KCTD1: variants seen among roughly 807,000 people sequenced by gnomAD.
The protein encoded by KCTD1 is BTB/POZ domain-containing protein KCTD1.
In KCTD1, 24 loss-of-function variants were observed where a neutral mutation model predicts 66.0. The ratio of observed to expected loss-of-function variants is 0.36; its 90% confidence interval spans 0.26 to 0.51. KCTD1 has a LOEUF of 0.51. Among genes scored for constraint, KCTD1 ranks in the 20% least tolerant of loss-of-function variants. The probability of loss-of-function intolerance (pLI) is 0.95; values close to 1 mark genes in which losing one functional copy is unlikely to be tolerated. For synonymous variants in KCTD1, 511 were observed against 517.2 expected (o/e 0.99, Z 0.16); for missense variants, 943 against 1,205.2 (o/e 0.78, Z 3.22).
chr18:26,564,881 C>T (rs1294655742), intron 1 of KCTD1, among the ~76,000 whole-genome samples: 1 of 148,720 alleles, frequency 6.7e-6, no homozygotes, highest in Non-Finnish European at 1.5e-5. Flanking sequence ...AAGAACCAAA[C>T]TCTGTCTCAA....
intron 1 of KCTD1, among the ~76,000 whole-genome samples, chr18:26,616,251 TGATA>T (rs1170375239): frequency 6.6e-6 from 1 of 151,834 alleles, no homozygotes; most frequent in Non-Finnish European, 1.5e-5. Flanking sequence ...ATTGATTGAT[TGATA>T]GATTGATCAA....
At chr18:26,562,920 A>G (rs1338359859) in intron 1 of KCTD1, among the ~76,000 whole-genome samples, 1 of 152,108 alleles carries the variant, frequency 6.6e-6, no homozygotes, top group East Asian at 1.9e-4. Flanking sequence ...TAACAACCCT[A>G]TCTCCAAATA....
At chr18:26,638,650 G>A (rs1189477280) in intron 1 of KCTD1, among the ~76,000 whole-genome samples, 3 of 152,232 alleles carry the variant, frequency 2.0e-5, no homozygotes, top group Non-Finnish European at 1.5e-5. Context: ...GGAAGTGCCC[G>A]GCAGGGCAGC....
intron 3 of KCTD1, among the ~76,000 whole-genome samples, chr18:26,467,746 C>T (rs184587495): frequency 8.3e-4 from 123 of 149,020 alleles, no homozygotes; most frequent in African/African-American, 2.9e-3. Context: ...ACCCAGGAGG[C>T]GAAGGTTGCA....
intron 2 of KCTD1, among the ~76,000 whole-genome samples, chr18:26,479,712 G>A (rs16942355): frequency 3.5e-3 from 535 of 152,386 alleles, no homozygotes; most frequent in African/African-American, 0.012. Flanking sequence ...AACTTTAAAA[G>A]GAGGAACGTT....
chr18:26,569,526 AG>A (rs1270242415), intron 1 of KCTD1, among the ~76,000 whole-genome samples: 3 of 150,004 alleles, frequency 2.0e-5, no homozygotes, highest in African/African-American at 7.3e-5. Flanking sequence ...TCTTCTATTC[AG>A]GCTGTCAGAT....
upstream of KCTD1, among the ~76,000 whole-genome samples, chr18:26,553,150 C>T (rs1985618671): frequency 6.6e-6 from 1 of 152,022 alleles, no homozygotes; most frequent in African/African-American, 2.4e-5. Context: ...TCCACCAAGC[C>T]TTCCTAATTT....
intron 1 of KCTD1, chr18:26,581,735 T>A (rs1986358060): frequency 6.6e-6 from 1 of 152,144 alleles, no homozygotes; most frequent in Non-Finnish European, 1.5e-5. Flanking sequence ...CATCTCTAGA[T>A]AAATAAATAC....
chr18:26,548,029 C>G lies in KCTD1; in HGVS notation c.508G>C (p.Glu170Gln). 1.3e-6 allele frequency: 2 copies of G among 1,522,286 alleles called. No homozygotes were observed. Among genetic ancestry groups the G allele is most frequent in the Middle Eastern group, 1.7e-4 (1 of 5,884 alleles). 94.3% of individuals were successfully genotyped at this position (1,522,286 alleles called of 1,614,324 possible). A position where few individuals can be genotyped will look rare whatever the true frequency, so the allele number is the denominator to read the frequency against. The change falls in exon 1 of 5, where the codon GAG (glutamate) becomes CAG (glutamine). Residue 170 changes from glutamate (E) to glutamine (Q), a missense_variant. Glu to Gln is a conservative substitution (Grantham distance 29). Transcript: ENST00000580059. ...LQRPERARLS[E>Q]NTRLATRYAV... is the part of the protein sequence containing the mutation. Reference sequence around the variant, plus strand: ...TAGCGGGTGGCCAGCCGGGTGTTCTCGCTCAGCCGGGCCCGCTCGGGGCGC... The same window carrying G: ...TAGCGGGTGGCCAGCCGGGTGTTCTGGCTCAGCCGGGCCCGCTCGGGGCGC...
intron 1 of KCTD1, chr18:26,544,762 G>A (rs142467966): frequency 1.1e-4 from 17 of 152,298 alleles, no homozygotes; most frequent in East Asian, 7.7e-4. Context: ...GCAATACTTC[G>A]ACTGCTCAGA....
At chr18:26,533,088 T>C (rs1271254403) in intron 1 of KCTD1, among the ~76,000 whole-genome samples, 1 of 152,214 alleles carries the variant, frequency 6.6e-6, no homozygotes, top group Non-Finnish European at 1.5e-5. Context: ...GAGGATCACA[T>C]GGAATAGAGG....
At chr18:26,624,495 G>T (rs1411183860) in intron 1 of KCTD1, among the ~76,000 whole-genome samples, 2 of 152,260 alleles carry the variant, frequency 1.3e-5, no homozygotes, top group Non-Finnish European at 2.9e-5. Flanking sequence ...CAAAACTCAG[G>T]CTTCAGAGGG....
At chr18:26,455,994 T>G in intron 4 of KCTD1, 93 bp from the exon 5 acceptor site, 1 of 1,216,282 alleles carries the variant, frequency 8.2e-7, no homozygotes. Context: ...CGCACTCTGG[T>G]TCATCTCATC....
chr18:26,642,104 T>G (rs1184870835), upstream of KCTD1, among the ~76,000 whole-genome samples: 1 of 152,208 alleles, frequency 6.6e-6, no homozygotes, highest in Non-Finnish European at 1.5e-5. Flanking sequence ...GGGCTTGATC[T>G]TAAATCACTG....
chr18:26,609,160 C>T (rs895836162), intron 1 of KCTD1, among the ~76,000 whole-genome samples: 2 of 152,046 alleles, frequency 1.3e-5, no homozygotes, highest in Non-Finnish European at 2.9e-5. Flanking sequence ...TAAAGTAGTA[C>T]CAACATCTAA....
intron 1 of KCTD1, among the ~76,000 whole-genome samples, chr18:26,571,527 A>C (rs1986105951): frequency 6.6e-6 from 1 of 152,226 alleles, no homozygotes; most frequent in Admixed American, 6.5e-5. Context: ...CGTGTACTTT[A>C]AATCATCTCT....
Position 26,513,638 on chromosome 18 carries a change from C to G in KCTD1, c.1810-12388G>C, listed in dbSNP as rs571652715. Among the ~76,000 whole-genome samples the G allele has an allele frequency of 3.9e-5, 6 of 152,342 alleles. No homozygotes were observed. The East Asian group carries it at 7.7e-4, about 20-fold the overall frequency. On this transcript the variant is annotated intron_variant, in intron 1 of 4. Transcript: ENST00000580059. ...GTGGCCTTGGCAAATTCTTTTCTCTCTCACTTCAGCTTTCCCATTTATAAT... is the reference window on the plus strand; with the variant it reads ...GTGGCCTTGGCAAATTCTTTTCTCTGTCACTTCAGCTTTCCCATTTATAAT...
intron 1 of KCTD1, among the ~76,000 whole-genome samples, chr18:26,605,724 ATATCTATCTATCTATC>A (rs10680402): frequency 2.4e-4 from 32 of 136,146 alleles, no homozygotes; most frequent in Admixed American, 3.1e-4. Context: ...ATATATCTCT[ATATCTATCTATCTATC>A]TATCTATCTA....
At chr18:26,502,174 T>C (rs1024864554) in intron 1 of KCTD1, among the ~76,000 whole-genome samples, 7 of 152,176 alleles carry the variant, frequency 4.6e-5, no homozygotes, top group African/African-American at 7.2e-5. Flanking sequence ...CTCAGCCTCC[T>C]GAGTAGCTGG....
Sources: allele counts gnomAD v4.1 joint callset (sites outside exome capture counted in the v4.1 genomes callset), GRCh38; gene constraint gnomAD v4.1.1; transcripts MANE v1.5; gene names NCBI Gene and HGNC (gene_info 2026-07-23, HGNC 2026-07-21).